The following PAK5 variants were observed in gnomAD, a reference collection of about 807,000 sequenced individuals.
The protein encoded by PAK5 is serine/threonine-protein kinase PAK 5.
Under a neutral mutation model 65.9 loss-of-function variants are expected in PAK5, and 16 were observed. The observed-to-expected ratio is 0.24, with a 90% CI of 0.16 to 0.37. PAK5 has a LOEUF of 0.37. Among genes scored for constraint, PAK5 ranks in the 10% least tolerant of loss-of-function variants. PAK5 has a pLI of 1.00. For missense variants in PAK5, 785 were observed against 903.9 expected (o/e 0.87, Z 1.69); for synonymous variants, 371 against 354.9 (o/e 1.05, Z -0.51).
chr20:9,542,094 C>T (rs371655398), intron 9 of PAK5, among the ~76,000 whole-genome samples: 97 of 152,304 alleles, frequency 6.4e-4, no homozygotes, highest in African/African-American at 2.2e-3. Flanking sequence ...TTCTCCTGCA[C>T]ACTCTGTCAC....
intron 2 of PAK5, among the ~76,000 whole-genome samples, chr20:9,654,563 T>TAAAC (rs2047242362): frequency 6.6e-6 from 1 of 152,098 alleles, no homozygotes; most frequent in Non-Finnish European, 1.5e-5. Context: ...CCCAAGCAGT[T>TAAAC]TTCCACCCTG....
chr20:9,705,977 A>T (rs1356238586), intron 2 of PAK5, among the ~76,000 whole-genome samples: 2 of 152,196 alleles, frequency 1.3e-5, no homozygotes, highest in Non-Finnish European at 2.9e-5. Flanking sequence ...CTTGCAACAC[A>T]GACCCAGGAG....
At chr20:9,575,309 C>T (rs566041557) in intron 4 of PAK5, among the ~76,000 whole-genome samples, 7 of 152,218 alleles carry the variant, frequency 4.6e-5, no homozygotes, top group African/African-American at 1.4e-4. Context: ...ATTGTCTTGG[C>T]CTCCCCAGTA....
chr20:9,544,633 T>A, intron 7 of PAK5, 139 bp from the exon 8 acceptor site: 1 of 728,496 alleles, frequency 1.4e-6, no homozygotes, highest in Non-Finnish European at 2.3e-6. Context: ...GGAGGGACTG[T>A]CAGACCCTTT....
chr20:9,703,235 A>G (rs1045795721), intron 2 of PAK5, among the ~76,000 whole-genome samples: 3 of 152,178 alleles, frequency 2.0e-5, no homozygotes, highest in African/African-American at 7.2e-5. Context: ...CAAACAACTG[A>G]ATCTTGACTT....
intron 2 of PAK5, among the ~76,000 whole-genome samples, chr20:9,662,827 C>T (rs886127019): frequency 6.6e-6 from 1 of 152,094 alleles, no homozygotes; most frequent in Non-Finnish European, 1.5e-5. Flanking sequence ...ATTAGCCTCA[C>T]ATCAAAGAGA....
intron 1 of PAK5, among the ~76,000 whole-genome samples, chr20:9,766,358 T>TATATATATTCTGCTTGA (rs1569079009): frequency 9.9e-5 from 5 of 50,586 alleles, no homozygotes; most frequent in Non-Finnish European, 1.1e-4. Flanking sequence ...CTTACTTGAA[T>TATATATATTCTGCTTGA]ATATATATAT....
intron 1 of PAK5, among the ~76,000 whole-genome samples, chr20:9,739,835 T>A (rs181621692): frequency 6.6e-6 from 1 of 152,292 alleles, no homozygotes; most frequent in Non-Finnish European, 1.5e-5. Context: ...CTTCTCACCA[T>A]GATTCTCAAT....
intron 1 of PAK5, among the ~76,000 whole-genome samples, chr20:9,712,102 C>T (rs1043109176): frequency 6.6e-6 from 1 of 152,110 alleles, no homozygotes; most frequent in African/African-American, 2.4e-5. Flanking sequence ...GCCTATTGTG[C>T]TTAGGAACAT....
chr20:9,821,981 G>C (rs1304008554), intron 1 of PAK5, among the ~76,000 whole-genome samples: 1 of 152,130 alleles, frequency 6.6e-6, no homozygotes, highest in Non-Finnish European at 1.5e-5. Context: ...TTATCAACTG[G>C]TCCACCAGTA....
chr20:9,721,888 T>A (rs575190871), intron 1 of PAK5, among the ~76,000 whole-genome samples: 1 of 152,264 alleles, frequency 6.6e-6, no homozygotes, highest in East Asian at 1.9e-4. Context: ...CTTTAATATT[T>A]CAGTGGTAGG....
At chr20:9,588,465 G>A (rs1421694873) in intron 3 of PAK5, among the ~76,000 whole-genome samples, 1 of 152,132 alleles carries the variant, frequency 6.6e-6, no homozygotes, top group African/African-American at 2.4e-5. Flanking sequence ...AAATGTAAAT[G>A]TTTGTTAAAA....
intron 1 of PAK5, among the ~76,000 whole-genome samples, chr20:9,746,894 G>A (rs536971843): frequency 6.6e-6 from 1 of 152,214 alleles, no homozygotes; most frequent in African/African-American, 2.4e-5. Context: ...ATGAATCCAG[G>A]AGCTGGTTTT....
intron 1 of PAK5, among the ~76,000 whole-genome samples, chr20:9,823,119 G>T (rs2049442498): frequency 6.6e-6 from 1 of 152,170 alleles, no homozygotes; most frequent in South Asian, 2.1e-4. Flanking sequence ...GCTTAAGGAA[G>T]CAAGTTTATC....
intron 3 of PAK5, among the ~76,000 whole-genome samples, chr20:9,638,342 G>C (rs1173104090): frequency 6.6e-6 from 1 of 152,170 alleles, no homozygotes; most frequent in Non-Finnish European, 1.5e-5. Flanking sequence ...GGTTATCTTG[G>C]CTAGCCCTAC....
chr20:9,576,471 C>T (rs1302466833), intron 4 of PAK5, among the ~76,000 whole-genome samples: 1 of 152,106 alleles, frequency 6.6e-6, no homozygotes, highest in Non-Finnish European at 1.5e-5. Flanking sequence ...ATGGATGCTG[C>T]TAAACACCCT....
At chr20:9,758,832 T>C (rs1374574721) in intron 1 of PAK5, among the ~76,000 whole-genome samples, 4 of 152,126 alleles carry the variant, frequency 2.6e-5, no homozygotes, top group African/African-American at 9.7e-5. Flanking sequence ...ATCCACAGGC[T>C]CCCTTCTTTA....
intron 2 of PAK5, among the ~76,000 whole-genome samples, chr20:9,645,025 T>G (rs571525565): frequency 1.7e-4 from 26 of 152,280 alleles, no homozygotes; most frequent in Admixed American, 1.4e-3. Flanking sequence ...ATAATGATAG[T>G]CACCACATAA....
chr20:9,731,002 A>G (rs944264102), intron 1 of PAK5, among the ~76,000 whole-genome samples: 5 of 152,200 alleles, frequency 3.3e-5, no homozygotes, highest in African/African-American at 1.2e-4. Flanking sequence ...TAGTGGGAGA[A>G]AGCTTGGGTG....
Sources: gnomAD v4.1 joint callset for allele counts (sites outside exome capture counted in the v4.1 genomes callset) on GRCh38, gnomAD v4.1.1 for gene constraint, MANE v1.5 for transcripts, NCBI Gene and HGNC (gene_info 2026-07-23, HGNC 2026-07-21) for gene names.